The following CDC27 variants were observed in gnomAD, a reference collection of about 807,000 sequenced individuals.
CDC27 encodes cell division cycle protein 27 homolog.
Under a neutral mutation model 109.7 loss-of-function variants are expected in CDC27, and 27 were observed. The ratio of observed to expected loss-of-function variants is 0.25; its 90% CI spans 0.18 to 0.34. The LOEUF (loss-of-function observed/expected upper bound fraction) is 0.34, where lower values mean the gene tolerates loss of function less well. Ranked by LOEUF, CDC27 falls within the 10% of genes least tolerant of loss-of-function variation. The pLI is 1.00. For missense variants in CDC27, 579 were observed against 960.2 expected, an observed-to-expected ratio of 0.60 and a Z score of 5.25; for synonymous variants, 266 against 333.9, an observed-to-expected ratio of 0.80 and a Z score of 2.22.
intron 14 of CDC27, among the ~76,000 whole-genome samples, chr17:47,135,968 G>T (rs148731873): frequency 6.6e-6 from 1 of 151,890 alleles, no homozygotes; most frequent in African/African-American, 2.4e-5. Context: ...GTGAAATCCC[G>T]TCTCTACTAA....
rs1322903736 is a variant in CDC27 at position 47,171,834 on chromosome 17, C to CA, written c.251+82dup. 5 of 868,492 alleles carry CA rather than the reference C, an allele frequency of 5.8e-6. No homozygotes were observed. The Admixed American group carries it at 8.2e-5, about 14-fold the overall frequency. The allele number at this position is 868,492 out of a possible 1,614,324, so 53.8% of individuals were successfully genotyped here. A position where few individuals can be genotyped will look rare whatever the true frequency, so the allele number is the denominator to read the frequency against. ...ATGGAAAACAGGGAAGAAAGGGAATCAGAGTTTAATCTGAAAGGAATTTTA... is the reference window on the plus strand; with the variant it reads ...ATGGAAAACAGGGAAGAAAGGGAATCAAGAGTTTAATCTGAAAGGAATTTTA... On this transcript the variant is annotated intron_variant, in intron 3 of 18. Transcript: ENST00000066544.
chr17:47,169,702 G>T, intron 4 of CDC27: 2 of 328,514 alleles, frequency 6.1e-6, no homozygotes, highest in Non-Finnish European at 5.5e-6. Context: ...ATGATCAATT[G>T]TTAGGCAGGG....
intron 2 of CDC27, among the ~76,000 whole-genome samples, chr17:47,180,635 G>C (rs2064184855): frequency 6.6e-6 from 1 of 150,654 alleles, no homozygotes. Context: ...TGTACACAAT[G>C]ATCTATATCA....
At chr17:47,138,164 T>C (rs2062679949) in intron 13 of CDC27, among the ~76,000 whole-genome samples, 1 of 152,132 alleles carries the variant, frequency 6.6e-6, no homozygotes. Context: ...GATTCAAGAT[T>C]ATAATCCACA....
At chr17:47,126,765 C>A (rs769683847) in intron 16 of CDC27, among the ~76,000 whole-genome samples, 1 of 152,096 alleles carries the variant, frequency 6.6e-6, no homozygotes, top group African/African-American at 2.4e-5. Context: ...AAAGTTGAAA[C>A]GGGCTTATTA....
At chr17:47,166,645 G>A (rs2063656474) in intron 4 of CDC27, among the ~76,000 whole-genome samples, 1 of 151,998 alleles carries the variant, frequency 6.6e-6, no homozygotes, top group African/African-American at 2.4e-5. Context: ...TGGATTTACT[G>A]TGCTCTTCTT....
intron 4 of CDC27, among the ~76,000 whole-genome samples, chr17:47,160,505 C>T (rs548733552): frequency 6.6e-6 from 1 of 152,250 alleles, no homozygotes; most frequent in Admixed American, 6.5e-5. Flanking sequence ...GGATTACAGG[C>T]GTGAGCCACA....
At chr17:47,154,198 A>G (rs1332710853) in intron 8 of CDC27, among the ~76,000 whole-genome samples, 1 of 152,018 alleles carries the variant, frequency 6.6e-6, no homozygotes, top group Non-Finnish European at 1.5e-5. Flanking sequence ...ATCTACCAAA[A>G]ATCTTATTAT....
rs1378038066 is a variant in CDC27, at chr17:47,120,825, T to C, written c.*110A>G. The C allele has an allele frequency of 1.4e-6, 1 of 736,936 alleles. No homozygotes were observed. The highest frequency in any genetic ancestry group is 2.4e-6 in the Non-Finnish European group (1 of 422,030). The allele number at this position is 736,936 out of a possible 1,614,324, so 45.6% of individuals were successfully genotyped here. On this transcript the variant is annotated 3_prime_UTR_variant, in exon 19 of 19. Coordinates refer to ENST00000066544, the MANE Select transcript of CDC27 (RefSeq NM_001256.6). ...GAAAGTGGCACACTCATGGTATAAG[T>C]GACGGACGATGACACCGCCAGCTCA...
chr17:47,176,751 A>G (rs1449791756), intron 2 of CDC27, among the ~76,000 whole-genome samples: 2 of 152,228 alleles, frequency 1.3e-5, no homozygotes, highest in East Asian at 3.8e-4. Context: ...CTTAGGTTAG[A>G]TTTGAATATA....
intron 9 of CDC27, among the ~76,000 whole-genome samples, chr17:47,148,198 C>CAA (rs745397103): frequency 1.1e-4 from 10 of 89,098 alleles, no homozygotes; most frequent in African/African-American, 3.3e-4. Flanking sequence ...GACTCTATCT[C>CAA]AAAAAAAAAA....
chr17:47,151,834 G>C lies in CDC27; in HGVS notation c.1042C>G (p.Gln348Glu), dbSNP rs186608264. 1.2e-6 allele frequency: 2 copies of C among 1,603,894 alleles called. No homozygotes were observed. The highest frequency in any genetic ancestry group is 1.7e-6 in the Non-Finnish European group (2 of 1,175,388). The change falls in exon 9 of 19, where the codon CAA (glutamine) becomes GAA (glutamate). Residue 348 changes from glutamine to glutamate, a missense_variant. This residue lies in a region of CDC27 where 74 missense variants were observed against 148.9 expected (regional missense o/e 0.50). Coordinates refer to ENST00000066544, the MANE Select transcript of CDC27 (RefSeq NM_001256.6). ...GTTTGTGGACCAGAACTTTGTGTTT[G>C]TGCAAGAATTGGAGTTACCTCTCGG... is the stretch of plus-strand genomic sequence containing the variant. ...NSREVTPILA[Q>E]TQSSGPQTST...
chr17:47,166,345 T>C (rs2063646213), intron 4 of CDC27, among the ~76,000 whole-genome samples: 4 of 152,202 alleles, frequency 2.6e-5, no homozygotes, highest in Non-Finnish European at 5.9e-5. Context: ...TAGTGTGGCT[T>C]ATTAAGAAAT....
intron 12 of CDC27, among the ~76,000 whole-genome samples, chr17:47,140,484 T>C (rs868302498): frequency 1.3e-5 from 2 of 152,336 alleles, no homozygotes; most frequent in Middle Eastern, 6.8e-3. Context: ...ACCTTTTGGT[T>C]TCAAAGTTTT....
intron 3 of CDC27, 107 bp from the exon 4 acceptor site, chr17:47,170,149 TTC>T (rs367705594): frequency 2.5e-4 from 190 of 775,264 alleles, no homozygotes; most frequent in South Asian, 6.7e-4. Context: ...CACAAATTTT[TTC>T]TCTCTCTCTC....
intron 1 of CDC27, among the ~76,000 whole-genome samples, chr17:47,183,897 C>T (rs1314397924): frequency 6.6e-6 from 1 of 152,098 alleles, no homozygotes; most frequent in African/African-American, 2.4e-5. Context: ...CTTTGTATTC[C>T]TAGATGTATA....
chr17:47,144,324 TC>T (rs2062888858), intron 9 of CDC27, among the ~76,000 whole-genome samples: 1 of 152,140 alleles, frequency 6.6e-6, no homozygotes, highest in African/African-American at 2.4e-5. Context: ...GCATAGATCT[TC>T]ACTCTCTCTG....
chr17:47,171,981 C>G lies in CDC27; in HGVS notation c.187G>C (p.Gly63Arg). ...KAYKAYRLLK[G>R]HSCTTPQCKY... ...CATTGCGGTGTAGTACAACTGTGTC[C>G]TTTCAAGAGTCTATATGCTTTATAT... Residue 63 changes from glycine (G) to arginine (R), a missense_variant, in exon 3 of 19, where the codon GGA (glycine) becomes CGA (arginine). Coordinates refer to ENST00000066544, the MANE Select transcript of CDC27 (RefSeq NM_001256.6). The G allele has an allele frequency of 6.2e-7, 1 of 1,603,214 alleles. No individual in the cohort carries two copies. Among genetic ancestry groups the G allele is most frequent in the African/African-American group, 1.3e-5 (1 of 74,608 alleles).
In CDC27 at chr17:47,186,557, T is replaced by C. The variant is rs1200110078; in HGVS notation, c.27+2589A>G. 4.6e-5 allele frequency among the ~76,000 whole-genome samples: 7 copies of C among 152,340 alleles called. No homozygotes were observed. The South Asian group carries it at 1.2e-3, about 27-fold the overall frequency. On this transcript the variant is annotated intron_variant, in intron 1 of 18. Coordinates refer to ENST00000066544, the MANE Select transcript of CDC27 (RefSeq NM_001256.6). ...TTATAAATATTCAAAAAGCTCTCAC[T>C]GAAGTCACTTAGGCTAGTGTGTCTT... is the stretch of plus-strand genomic sequence containing the variant.
Sources: gnomAD v4.1 joint callset for allele counts (sites outside exome capture counted in the v4.1 genomes callset) on GRCh38, gnomAD v4.1.1 for gene constraint, gnomAD v4.1.1 regional missense constraint, MANE v1.5 for transcripts, NCBI Gene and HGNC (gene_info 2026-07-23, HGNC 2026-07-21) for gene names.